The following GALNTL6 variants were observed in gnomAD, a reference collection of about 807,000 sequenced individuals.
GALNTL6 encodes the protein polypeptide N-acetylgalactosaminyltransferase like 6.
In GALNTL6, 46 loss-of-function variants were observed where a neutral mutation model predicts 73.7. The ratio of observed to expected loss-of-function variants is 0.62; its 90% CI spans 0.49 to 0.80. GALNTL6 has a LOEUF of 0.80. Ranked by LOEUF, GALNTL6 falls within the 30% of genes least tolerant of loss-of-function variation. The pLI is 0.00. For synonymous variants in GALNTL6, 259 were observed against 263.7 expected (o/e 0.98, Z 0.17); for missense variants, 604 against 755.0 (o/e 0.80, Z 2.34).
At chr4:171,887,837 AG>A (rs1199194057) in intron 2 of GALNTL6, among the ~76,000 whole-genome samples, 2 of 152,116 alleles carry the variant, frequency 1.3e-5, no homozygotes, top group Non-Finnish European at 2.9e-5. Flanking sequence ...TCCTCCCACT[AG>A]GGTTTTTCTC....
intron 2 of GALNTL6, among the ~76,000 whole-genome samples, chr4:171,962,976 C>T (rs1008634842): frequency 3.3e-5 from 5 of 151,586 alleles, no homozygotes; most frequent in South Asian, 2.1e-4. Flanking sequence ...CTATGTTGGC[C>T]AGGATGGTCT....
Position 172,429,469 on chromosome 4 carries a change from C to A in GALNTL6, c.553+80780C>A, listed in dbSNP as rs908719999. Among the ~76,000 whole-genome samples, 3 of 152,200 alleles carry A rather than the reference C, an allele frequency of 2.0e-5. No individual in the cohort carries two copies. The East Asian group carries it at 5.8e-4, about 29-fold the overall frequency. On this transcript the variant is annotated intron_variant, in intron 5 of 12. Transcript: ENST00000506823. ...TCATGATCTGCCCACCTCGGCCTCC[C>A]GAAGTGCTGGGATTACAAGCCTAAC...
intron 5 of GALNTL6, among the ~76,000 whole-genome samples, chr4:172,567,144 T>C (rs1425384178): frequency 6.6e-6 from 1 of 152,068 alleles, no homozygotes; most frequent in Admixed American, 6.6e-5. Context: ...TGCAGCCCCC[T>C]AGATAAGCCT....
At chr4:172,258,159 A>G (rs1738145717) in intron 3 of GALNTL6, among the ~76,000 whole-genome samples, 1 of 151,362 alleles carries the variant, frequency 6.6e-6, no homozygotes, top group African/African-American at 2.4e-5. Flanking sequence ...TATTGACTTA[A>G]TATATAGCTA....
chr4:172,389,575 C>T (rs1398674212), intron 5 of GALNTL6, among the ~76,000 whole-genome samples: 1 of 152,096 alleles, frequency 6.6e-6, no homozygotes, highest in African/African-American at 2.4e-5. Flanking sequence ...GTATATAACA[C>T]ATAAGTTAAG....
chr4:172,344,346 A>G (rs1442388442), intron 4 of GALNTL6, among the ~76,000 whole-genome samples: 1 of 152,176 alleles, frequency 6.6e-6, no homozygotes, highest in Non-Finnish European at 1.5e-5. Context: ...CCAATGCCTG[A>G]GCTTGGCAGT....
At position 171,966,910 on chromosome 4, in the gene GALNTL6, A is replaced by C. The variant is rs527297173; in HGVS notation, c.138+152192A>C. Among the ~76,000 whole-genome samples, 29 of 152,342 alleles carry C rather than the reference A, an allele frequency of 1.9e-4. No homozygotes were observed. In the South Asian group the frequency reaches 3.5e-3, roughly 18 times the overall value. Reference sequence around the variant, plus strand: ...TTGTACTTTAATTAATTATTAAAAAATAAGCAATCTTGAGAAATTATTCTT... The same window carrying C: ...TTGTACTTTAATTAATTATTAAAAACTAAGCAATCTTGAGAAATTATTCTT... On this transcript the variant is annotated intron_variant, in intron 2 of 12. Coordinates refer to ENST00000506823, the MANE Select transcript of GALNTL6 (RefSeq NM_001034845.3).
intron 2 of GALNTL6, among the ~76,000 whole-genome samples, chr4:172,057,722 AAAAAAATATATATATATAT>A (rs1362844485): frequency 1.7e-4 from 13 of 78,486 alleles, no homozygotes; most frequent in African/African-American, 6.4e-4. Context: ...AAAAAAAAAA[AAAAAAATATATATATATAT>A]ATATATATAT....
chr4:172,964,755 T>G (rs1188641098), intron 10 of GALNTL6, among the ~76,000 whole-genome samples: 1 of 152,240 alleles, frequency 6.6e-6, no homozygotes, highest in Non-Finnish European at 1.5e-5. Context: ...AGGAGATGCA[T>G]TATCTCAAAG....
chr4:171,977,215 A>C (rs1325915070), intron 2 of GALNTL6, among the ~76,000 whole-genome samples: 1 of 152,218 alleles, frequency 6.6e-6, no homozygotes, highest in African/African-American at 2.4e-5. Context: ...TGACTTAAAG[A>C]GATTGTACAA....
intron 5 of GALNTL6, among the ~76,000 whole-genome samples, chr4:172,725,364 A>G (rs948697641): frequency 6.6e-6 from 1 of 152,168 alleles, no homozygotes; most frequent in Non-Finnish European, 1.5e-5. Flanking sequence ...ACATTCTTCT[A>G]GTTTTAGGAA....
At chr4:172,277,105 C>T (rs1738859861) in intron 3 of GALNTL6, among the ~76,000 whole-genome samples, 1 of 152,026 alleles carries the variant, frequency 6.6e-6, no homozygotes, top group South Asian at 2.1e-4. Flanking sequence ...ACTACTTAGT[C>T]ATCTTTCCTT....
chr4:172,444,200 GT>G (rs1310759892), intron 5 of GALNTL6, among the ~76,000 whole-genome samples: 1 of 152,188 alleles, frequency 6.6e-6, no homozygotes, highest in Non-Finnish European at 1.5e-5. Flanking sequence ...ATGATTGACT[GT>G]TTAGGTTATG....
intron 9 of GALNTL6, among the ~76,000 whole-genome samples, chr4:172,935,854 A>G (rs1748586518): frequency 6.6e-6 from 1 of 152,210 alleles, no homozygotes; most frequent in Admixed American, 6.5e-5. Flanking sequence ...CCAGAGGTAC[A>G]AAGAGGAGCT....
At chr4:172,469,897 C>A (rs1732980859) in intron 5 of GALNTL6, among the ~76,000 whole-genome samples, 2 of 152,226 alleles carry the variant, frequency 1.3e-5, no homozygotes, top group South Asian at 4.2e-4. Context: ...ACCTAGGCAG[C>A]CAGTAGTGAA....
intron 2 of GALNTL6, among the ~76,000 whole-genome samples, chr4:171,869,717 C>T (rs1219028317): frequency 2.6e-5 from 4 of 152,046 alleles, no homozygotes; most frequent in Admixed American, 6.6e-5. Context: ...ACATGTGTTG[C>T]GGGAGGGACC....
At chr4:172,595,491 A>C (rs1473188003) in intron 5 of GALNTL6, among the ~76,000 whole-genome samples, 1 of 152,160 alleles carries the variant, frequency 6.6e-6, no homozygotes, top group Admixed American at 6.5e-5. Context: ...TATTTTACTT[A>C]AACACTTTCC....
chr4:172,695,461 T>C (rs1295663566), intron 5 of GALNTL6, among the ~76,000 whole-genome samples: 1 of 152,204 alleles, frequency 6.6e-6, no homozygotes, highest in African/African-American at 2.4e-5. Context: ...ATAATTTTTA[T>C]CAAAGGCATA....
intron 7 of GALNTL6, among the ~76,000 whole-genome samples, chr4:172,855,749 A>C (rs1744091903): frequency 6.6e-6 from 1 of 152,198 alleles, no homozygotes; most frequent in Non-Finnish European, 1.5e-5. Context: ...TCAGCATGTA[A>C]CATTTCGTTT....
Sources: gnomAD v4.1 joint callset for allele counts (sites outside exome capture counted in the v4.1 genomes callset) on GRCh38, gnomAD v4.1.1 for gene constraint, MANE v1.5 for transcripts, NCBI Gene and HGNC (gene_info 2026-07-23, HGNC 2026-07-21) for gene names.